The following EYS variants were observed in gnomAD, a reference collection of about 807,000 sequenced individuals.
The protein encoded by EYS is protein eyes shut homolog.
Under a neutral mutation model 282.1 loss-of-function variants are expected in EYS, and 250 were observed. The ratio of observed to expected loss-of-function variants is 0.89; its 90% CI spans 0.80 to 0.98. The LOEUF is 0.98. Among genes scored for constraint, EYS ranks in the 50% least tolerant of loss-of-function variants. The pLI is 0.00. For synonymous variants in EYS, 1,355 were observed against 1,282.9 expected, an observed-to-expected ratio of 1.06 and a Z score of -1.20; for missense variants, 4,016 against 3,709.0, an observed-to-expected ratio of 1.08 and a Z score of -2.15.
At chr6:65,089,556 C>T (rs367824627) in intron 12 of EYS, among the ~76,000 whole-genome samples, 1 of 152,118 alleles carries the variant, frequency 6.6e-6, no homozygotes, top group South Asian at 2.1e-4. Context: ...TAGGAAGTAA[C>T]TAACTTGCTT....
chr6:64,520,748 A>G (rs1777711166), intron 26 of EYS, among the ~76,000 whole-genome samples: 1 of 151,750 alleles, frequency 6.6e-6, no homozygotes, highest in Non-Finnish European at 1.5e-5. Context: ...TGAACCACTT[A>G]GCTTTGCTAC....
At chr6:64,422,542 G>A (rs534767675) in intron 28 of EYS, among the ~76,000 whole-genome samples, 1 of 152,246 alleles carries the variant, frequency 6.6e-6, no homozygotes, top group Admixed American at 6.5e-5. Context: ...AGGAAACATG[G>A]AACTTTCTGT....
intron 33 of EYS, among the ~76,000 whole-genome samples, chr6:64,010,791 T>C (rs1199918964): frequency 2.0e-5 from 3 of 152,182 alleles, no homozygotes; most frequent in African/African-American, 7.2e-5. Context: ...TATTTGGTAG[T>C]TCTGTCCTAC....
chr6:64,653,248 C>T (rs1266777877), intron 22 of EYS, among the ~76,000 whole-genome samples: 3 of 152,150 alleles, frequency 2.0e-5, no homozygotes, highest in Non-Finnish European at 4.4e-5. Context: ...TTACAGTTCC[C>T]AGCAAAAAAT....
chr6:65,634,979 A>C (rs1767036746), intron 2 of EYS, among the ~76,000 whole-genome samples: 1 of 152,214 alleles, frequency 6.6e-6, no homozygotes. Context: ...CACAGACAGA[A>C]GCCTAGACCA....
chr6:65,675,772 T>C (rs1313376519), intron 1 of EYS, among the ~76,000 whole-genome samples: 2 of 151,874 alleles, frequency 1.3e-5, no homozygotes, highest in Non-Finnish European at 2.9e-5. Flanking sequence ...ATAGAATCAG[T>C]CTACACAAAA....
At chr6:65,063,204 T>G (rs538739533) in intron 12 of EYS, among the ~76,000 whole-genome samples, 1 of 152,134 alleles carries the variant, frequency 6.6e-6, no homozygotes, top group South Asian at 2.1e-4. Context: ...TCTTTCAATC[T>G]TCAATATTTA....
intron 11 of EYS, among the ~76,000 whole-genome samples, chr6:65,334,012 T>C (rs1181050937): frequency 1.3e-5 from 2 of 151,660 alleles, no homozygotes; most frequent in East Asian, 3.9e-4. Flanking sequence ...ATACATAAAG[T>C]GTATCTTCTA....
chr6:65,204,645 A>G (rs1342497126), intron 12 of EYS, among the ~76,000 whole-genome samples: 3 of 151,864 alleles, frequency 2.0e-5, no homozygotes, highest in African/African-American at 7.2e-5. Flanking sequence ...CTCCAAGGTT[A>G]CTAGCTAACA....
chr6:64,902,292 T>C, intron 17 of EYS, 72 bp from the exon 18 acceptor site: 1 of 1,336,226 alleles, frequency 7.5e-7, no homozygotes, highest in African/African-American at 1.5e-5. Context: ...AATTGTAGCA[T>C]GGCAAGTTTT....
intron 41 of EYS, among the ~76,000 whole-genome samples, chr6:63,755,175 G>A (rs1215756188): frequency 6.6e-6 from 1 of 152,120 alleles, no homozygotes; most frequent in Non-Finnish European, 1.5e-5. Flanking sequence ...CTTTTGCCGT[G>A]CAGAAACTCT....
chr6:63,738,418 T>A (rs2149639881), intron 41 of EYS, among the ~76,000 whole-genome samples: 1 of 151,996 alleles, frequency 6.6e-6, no homozygotes, highest in African/African-American at 2.4e-5. Context: ...TGAAAAATGA[T>A]GAGTTCATGT....
intron 22 of EYS, among the ~76,000 whole-genome samples, chr6:64,715,429 A>G (rs1392124813): frequency 1.3e-5 from 2 of 152,170 alleles, no homozygotes; most frequent in African/African-American, 4.8e-5. Context: ...TTCTGCCTTG[A>G]CTTTAATCTG....
intron 12 of EYS, among the ~76,000 whole-genome samples, chr6:65,082,447 T>C (rs192638229): frequency 2.4e-4 from 36 of 152,188 alleles, no homozygotes; most frequent in African/African-American, 8.7e-4. Flanking sequence ...TCCATGACAA[T>C]GAGGTAAGTA....
In EYS at chr6:63,743,659, C is replaced by T. The variant is rs75244745; in HGVS notation, c.8072-16979G>A. ...GCTAATTTGATGCACCGTTTGTCTC[C>T]AAAACTATATCCAGATTCAGCATAG... is the stretch of plus-strand genomic sequence containing the variant. On this transcript the variant is annotated intron_variant, in intron 41 of 42. Coordinates refer to ENST00000503581, the MANE Select transcript of EYS (RefSeq NM_001142800.2). Among the ~76,000 whole-genome samples, 848 of 152,160 alleles carry T rather than the reference C, an allele frequency of 5.6e-3. 6 individuals carry two copies. The highest frequency in any genetic ancestry group is 0.02 in the African/African-American group (818 of 41,516).
chr6:65,083,312 A>G (rs965831054), intron 12 of EYS, among the ~76,000 whole-genome samples: 2 of 152,036 alleles, frequency 1.3e-5, no homozygotes, highest in African/African-American at 4.8e-5. Context: ...GAATTAATCA[A>G]AAATTTAAAC....
chr6:65,207,932 C>G (rs1469393794), intron 12 of EYS, among the ~76,000 whole-genome samples: 1 of 151,502 alleles, frequency 6.6e-6, no homozygotes, highest in Non-Finnish European at 1.5e-5. Context: ...AGAAGAAAAC[C>G]TAGGAAAACC....
intron 42 of EYS, among the ~76,000 whole-genome samples, chr6:63,723,623 G>C (rs1025763576): frequency 2.0e-5 from 3 of 151,950 alleles, no homozygotes; most frequent in Non-Finnish European, 4.4e-5. Context: ...TGCGAAGAAA[G>C]GATTATTTTA....
At chr6:65,538,323 T>A (rs1051451227) in intron 2 of EYS, among the ~76,000 whole-genome samples, 2 of 152,096 alleles carry the variant, frequency 1.3e-5, no homozygotes, top group Non-Finnish European at 2.9e-5. Context: ...AAGGGTCCAA[T>A]AAAGGTTGTC....
Sources: allele counts gnomAD v4.1 joint callset (sites outside exome capture counted in the v4.1 genomes callset), GRCh38; gene constraint gnomAD v4.1.1; transcripts MANE v1.5; gene names NCBI Gene and HGNC (gene_info 2026-07-23, HGNC 2026-07-21).